Variants in CACNA1I observed in about 807,000 individuals in gnomAD.
CACNA1I encodes the protein voltage-dependent T-type calcium channel subunit alpha-1I.
In CACNA1I, 74 loss-of-function variants were observed where a neutral mutation model predicts 201.6. The observed-to-expected ratio is 0.37, with a 90% CI of 0.30 to 0.45. The LOEUF (loss-of-function observed/expected upper bound fraction) is 0.45, where lower values mean the gene tolerates loss of function less well. Ranked by LOEUF, CACNA1I falls within the 20% of genes least tolerant of loss-of-function variation. The pLI, the probability that CACNA1I is intolerant of heterozygous loss-of-function variation, is 1.00. For missense variants in CACNA1I, 2,346 were observed against 3,138.1 expected (o/e 0.75, Z 6.03); for synonymous variants, 1,431 against 1,345.2 (o/e 1.06, Z -1.40).
intron 5 of CACNA1I, among the ~76,000 whole-genome samples, chr22:39,640,383 G>A (rs1052496321): frequency 5.9e-5 from 9 of 151,778 alleles, no homozygotes; most frequent in Non-Finnish European, 1.2e-4. Flanking sequence ...AGTGAGACTC[G>A]GTCTAAAAAA....
At chr22:39,673,888 A>ACGTGCACACATG in intron 28 of CACNA1I, 75 bp from the exon 29 acceptor site, 5 of 1,378,390 alleles carry the variant, frequency 3.6e-6, no homozygotes, top group Non-Finnish European at 1.0e-6. Context: ...AAGTTTACAC[A>ACGTGCACACATG]CGTGCACACA....
Position 39,659,485 on chromosome 22 carries a change from G to T in CACNA1I, c.2383G>T (p.Gly795Ter). The T allele has an allele frequency of 6.3e-7, 1 of 1,584,666 alleles. No homozygotes were observed. The highest frequency in any genetic ancestry group is 8.6e-7 in the Non-Finnish European group (1 of 1,164,288). ...GCKFSLRTDT[G>*]DTVPDRKNFD... ...CAAGTTCAGCCTCCGCACGGACACT[G>T]GAGACACGGTGCCCGACAGGAAGAA... Residue 795 changes from glycine to a stop codon, truncating the protein, a stop_gained, in exon 13 of 37, where the codon GGA (glycine) becomes TGA (stop). Transcript: ENST00000402142. LOFTEE classifies it high-confidence loss of function. The surrounding 1 kb of genome is among the most constrained non-coding windows in gnomAD (Gnocchi z 4.3).
intron 17 of CACNA1I, 34 bp downstream of exon 17, chr22:39,662,469 C>A (rs1448549580): frequency 2.2e-6 from 3 of 1,364,532 alleles, no homozygotes; most frequent in Admixed American, 6.0e-5. Flanking sequence ...GGACCTGGTG[C>A]GGTGGGATAG....
chr22:39,687,350 C>CAG lies in CACNA1I; in HGVS notation c.*945_*946insAG, dbSNP rs540797089. 4.7e-3 allele frequency: 718 copies of CAG among 152,330 alleles called. 5 individuals are homozygous for CAG. The highest frequency in any genetic ancestry group is 5.0e-3 in the Non-Finnish European group (337 of 68,070). The allele number at this position is 152,330 out of a possible 1,614,324, so 9.4% of individuals were successfully genotyped here. On this transcript the variant is annotated 3_prime_UTR_variant, in exon 37 of 37. Coordinates refer to ENST00000402142, the MANE Select transcript of CACNA1I (RefSeq NM_021096.4). ...TGCTTGGAGGGGCTAGGGTACCCGC[C>CAG]TGGTCTCGGCTGGCTCCAGCTGCCC...
rs148610129 is a variant in CACNA1I, at chr22:39,652,772, G to T, written c.1992+2847G>T. ...ATAAACAAATTAACCAAGTGTGGTG[G>T]TGCATGTCTGTAGTCCCAGCTTCTC... On this transcript the variant is annotated intron_variant, in intron 10 of 36. Coordinates refer to ENST00000402142, the MANE Select transcript of CACNA1I (RefSeq NM_021096.4). Among the ~76,000 whole-genome samples, 247 of 152,302 alleles carry T rather than the reference G, an allele frequency of 1.6e-3. 1 individual carries two copies. The highest frequency in any genetic ancestry group is 5.9e-3 in the African/African-American group (246 of 41,550).
chr22:39,652,385 T>G (rs1934678038), intron 10 of CACNA1I, among the ~76,000 whole-genome samples: 2 of 152,218 alleles, frequency 1.3e-5, no homozygotes, highest in Non-Finnish European at 2.9e-5. Context: ...GTGCGTCTCC[T>G]GCCTGGTCAC....
In CACNA1I at chr22:39,670,689, A is replaced by G. The variant is rs1216505299; in HGVS notation, c.4388-114A>G. 1.5e-4 allele frequency: 144 copies of G among 992,920 alleles called. 2 individuals are homozygous for G. In the South Asian group the frequency reaches 2.0e-3, roughly 14 times the overall value. 61.5% of individuals were successfully genotyped at this position (992,920 alleles called of 1,614,324 possible). On this transcript the variant is annotated intron_variant, in intron 25 of 36. Transcript: ENST00000402142. ...ATCCCAGGGCCTGGGGTGGATCAAC[A>G]TCTTCCTCTTTGCCCCCTCCCTTTC...
In CACNA1I at chr22:39,648,001, A is replaced by T. The variant is rs900526885; in HGVS notation, c.1567+75A>T. The T allele has an allele frequency of 4.0e-5, 54 of 1,336,040 alleles. No individual in the cohort carries two copies. In the Admixed American group the frequency reaches 7.2e-4, roughly 18 times the overall value. The allele number at this position is 1,336,040 out of a possible 1,614,324, so 82.8% of individuals were successfully genotyped here. On this transcript the variant is annotated intron_variant, in intron 9 of 36. Transcript: ENST00000402142. This position sits in a 1 kb window ranked among gnomAD's most constrained non-coding sequence, Gnocchi z 5.4. ...TTCTCCCAGTTGGTGCTGAGAAGGAAGTCGGCAGGCATGGGGACGGCGCTT... is the reference window on the plus strand; with the variant it reads ...TTCTCCCAGTTGGTGCTGAGAAGGATGTCGGCAGGCATGGGGACGGCGCTT...
intron 28 of CACNA1I, 26 bp downstream of exon 28, chr22:39,673,108 A>G (rs1243636665): frequency 1.3e-6 from 2 of 1,598,808 alleles, no homozygotes; most frequent in African/African-American, 2.7e-5. Flanking sequence ...TGGGACAGGG[A>G]ACGGGGACAA....
intron 1 of CACNA1I, among the ~76,000 whole-genome samples, chr22:39,589,346 C>T (rs1158250479): frequency 2.6e-5 from 4 of 152,146 alleles, no homozygotes; most frequent in African/African-American, 4.8e-5. Flanking sequence ...TGGGTCCTAG[C>T]GTGGGCATAT....
At position 39,681,454 on chromosome 22, in the gene CACNA1I, C is replaced by T. The variant is rs568444782; in HGVS notation, c.5664+402C>T. ...GGCACAAGCACCTACTATGTGCAGG[C>T]GCTCTGCCCGTGCCACCTGTTTGTC... On this transcript the variant is annotated intron_variant, in intron 34 of 36. Coordinates refer to ENST00000402142, the MANE Select transcript of CACNA1I (RefSeq NM_021096.4). 3.3e-5 allele frequency among the ~76,000 whole-genome samples: 5 copies of T among 152,308 alleles called. No individual in the cohort carries two copies. The East Asian group carries it at 5.8e-4, about 18-fold the overall frequency.
intron 31 of CACNA1I, among the ~76,000 whole-genome samples, 175 bp from the exon 32 acceptor site, chr22:39,678,932 A>C (rs1412693968): frequency 1.3e-5 from 2 of 152,072 alleles, no homozygotes; most frequent in Non-Finnish European, 2.9e-5. Context: ...GACTTAGCTG[A>C]AGCTGAGGCA....
intron 10 of CACNA1I, among the ~76,000 whole-genome samples, chr22:39,657,280 T>C (rs1007121857): frequency 6.6e-6 from 1 of 152,202 alleles, no homozygotes; most frequent in Non-Finnish European, 1.5e-5. Flanking sequence ...GCTCCACAGC[T>C]GTTGGGGGAG....
chr22:39,578,012 AG>A (rs1320962606), intron 1 of CACNA1I, among the ~76,000 whole-genome samples: 3 of 26,444 alleles, frequency 1.1e-4, no homozygotes, highest in East Asian at 9.6e-4. Flanking sequence ...GCTGAGTGGC[AG>A]CTGTGTGTAC....
chr22:39,645,912 T>A (rs1370910194), intron 7 of CACNA1I, among the ~76,000 whole-genome samples: 1 of 152,188 alleles, frequency 6.6e-6, no homozygotes, highest in Non-Finnish European at 1.5e-5. Flanking sequence ...CAAGGCAGCT[T>A]CTCTTTTCTC....
chr22:39,619,275 A>G, intron 3 of CACNA1I, 35 bp from the exon 4 acceptor site: 3 of 1,548,760 alleles, frequency 1.9e-6, no homozygotes. Context: ...GCTGGCCTCC[A>G]GCACCATCCC....
chr22:39,629,876 A>G lies in CACNA1I; in HGVS notation c.581-4689A>G, dbSNP rs186619296. 4.6e-4 allele frequency among the ~76,000 whole-genome samples: 70 copies of G among 151,764 alleles called. No individual in the cohort carries two copies. Among genetic ancestry groups the G allele is most frequent in the African/African-American group, 1.7e-3 (69 of 41,372 alleles). On this transcript the variant is annotated intron_variant, in intron 4 of 36. Coordinates refer to ENST00000402142, the MANE Select transcript of CACNA1I (RefSeq NM_021096.4). The surrounding 1 kb of genome is among the most constrained non-coding windows in gnomAD (Gnocchi z 4.8). Reference sequence around the variant, plus strand: ...CTCTCCTCTGCCCTGGCCCCCCGCGATCCATTCTCCACCCAGCAGCCCAGC... The same window carrying G: ...CTCTCCTCTGCCCTGGCCCCCCGCGGTCCATTCTCCACCCAGCAGCCCAGC...
chr22:39,571,871 G>A (rs1932195977), intron 1 of CACNA1I, among the ~76,000 whole-genome samples: 1 of 152,266 alleles, frequency 6.6e-6, no homozygotes, highest in Non-Finnish European at 1.5e-5. Context: ...CCTAGCACCT[G>A]GCACAGTGCT....
chr22:39,645,860 C>A (rs1043725473), intron 7 of CACNA1I, among the ~76,000 whole-genome samples: 3 of 152,230 alleles, frequency 2.0e-5, no homozygotes, highest in Non-Finnish European at 4.4e-5. Context: ...AGCCTCTCCC[C>A]CTTCATTTCA....
Sources: allele counts gnomAD v4.1 joint callset (sites outside exome capture counted in the v4.1 genomes callset), GRCh38; gene constraint gnomAD v4.1.1; non-coding constraint Gnocchi (gnomAD v3.1); transcripts MANE v1.5; gene names NCBI Gene and HGNC (gene_info 2026-07-23, HGNC 2026-07-21).